SLC9A9: variants seen among roughly 807,000 people sequenced by gnomAD.
The protein encoded by SLC9A9 is sodium/hydrogen exchanger 9.
In SLC9A9, 62 loss-of-function variants were observed where a neutral mutation model predicts 77.8. The ratio of observed to expected loss-of-function variants is 0.80; its 90% CI spans 0.65 to 0.98. SLC9A9 has a LOEUF of 0.98. Among genes scored for constraint, SLC9A9 ranks in the 50% least tolerant of loss-of-function variants. SLC9A9 has a pLI of 0.00. For missense variants in SLC9A9, 775 were observed against 774.9 expected (o/e 1.00, Z 0.00); for synonymous variants, 320 against 283.5 (o/e 1.13, Z -1.29).
chr3:143,361,670 C>A (rs1005999686), intron 14 of SLC9A9, among the ~76,000 whole-genome samples: 1 of 152,086 alleles, frequency 6.6e-6, no homozygotes, highest in African/African-American at 2.4e-5. Flanking sequence ...GGATAAATTA[C>A]CATGAGAAGA....
intron 12 of SLC9A9, among the ~76,000 whole-genome samples, chr3:143,414,259 G>C (rs1030441242): frequency 6.6e-6 from 1 of 152,214 alleles, no homozygotes; most frequent in African/African-American, 2.4e-5. Context: ...GTATGTCTAT[G>C]TATCTGTCAA....
chr3:143,598,308 T>A (rs2037791386), intron 6 of SLC9A9, among the ~76,000 whole-genome samples: 1 of 152,188 alleles, frequency 6.6e-6, no homozygotes, highest in South Asian at 2.1e-4. Flanking sequence ...CCATGAAGCA[T>A]CACGAAATAA....
intron 13 of SLC9A9, among the ~76,000 whole-genome samples, chr3:143,365,450 ACTT>A (rs1436736581): frequency 6.6e-6 from 1 of 152,196 alleles, no homozygotes; most frequent in Non-Finnish European, 1.5e-5. Flanking sequence ...AAAATGTAGA[ACTT>A]CTCAGTCTTT....
chr3:143,510,204 A>G (rs1410922675), intron 9 of SLC9A9, among the ~76,000 whole-genome samples: 3 of 152,218 alleles, frequency 2.0e-5, no homozygotes, highest in African/African-American at 4.8e-5. Context: ...GCAAAAATGT[A>G]TATCCAAATA....
At chr3:143,718,488 C>T (rs975594630) in intron 4 of SLC9A9, among the ~76,000 whole-genome samples, 2 of 152,218 alleles carry the variant, frequency 1.3e-5, no homozygotes, top group Non-Finnish European at 2.9e-5. Flanking sequence ...GGCACAGACA[C>T]CAATGTGCCC....
At chr3:143,693,136 A>G (rs1933526869) in intron 5 of SLC9A9, 56 bp downstream of exon 5, 5 of 1,377,740 alleles carry the variant, frequency 3.6e-6, no homozygotes, top group South Asian at 3.6e-5. Flanking sequence ...GGGGAGAAAC[A>G]TTCAATTTAA....
chr3:143,500,251 T>C (rs1455001335), intron 9 of SLC9A9, among the ~76,000 whole-genome samples: 1 of 152,190 alleles, frequency 6.6e-6, no homozygotes, highest in Non-Finnish European at 1.5e-5. Context: ...CCTACATTTT[T>C]GTATTTTTTG....
At chr3:143,776,394 T>C (rs965031303) in intron 4 of SLC9A9, among the ~76,000 whole-genome samples, 1 of 152,190 alleles carries the variant, frequency 6.6e-6, no homozygotes, top group South Asian at 2.1e-4. Context: ...TTGTTAGTGA[T>C]TTAATGGACT....
At chr3:143,811,727 T>G (rs1034406325) in intron 2 of SLC9A9, 11 of 454,760 alleles carry the variant, frequency 2.4e-5, no homozygotes, top group South Asian at 1.6e-4. Flanking sequence ...CCACGCACAG[T>G]GGCACACGCC....
At chr3:143,572,002 C>T (rs1481045380) in intron 8 of SLC9A9, among the ~76,000 whole-genome samples, 1 of 152,196 alleles carries the variant, frequency 6.6e-6, no homozygotes, top group Non-Finnish European at 1.5e-5. Context: ...TAGTGTACTA[C>T]TCGGGGGTGA....
intron 6 of SLC9A9, among the ~76,000 whole-genome samples, chr3:143,638,758 A>G (rs544506998): frequency 4.1e-4 from 63 of 152,176 alleles, no homozygotes; most frequent in Non-Finnish European, 7.2e-4. Flanking sequence ...TGGGCCCTGA[A>G]TTCACCCTCT....
intron 14 of SLC9A9, among the ~76,000 whole-genome samples, chr3:143,290,042 C>T (rs1272281557): frequency 6.6e-6 from 1 of 152,166 alleles, no homozygotes; most frequent in South Asian, 2.1e-4. Flanking sequence ...CTATCTTATC[C>T]TCAGTAATTC....
At chr3:143,711,066 A>G (rs548971849) in intron 4 of SLC9A9, among the ~76,000 whole-genome samples, 1 of 152,236 alleles carries the variant, frequency 6.6e-6, no homozygotes, top group African/African-American at 2.4e-5. Flanking sequence ...TAGTGACAAG[A>G]TAGAATGAAC....
At chr3:143,504,924 C>T (rs1449248445) in intron 9 of SLC9A9, among the ~76,000 whole-genome samples, 1 of 152,136 alleles carries the variant, frequency 6.6e-6, no homozygotes, top group African/African-American at 2.4e-5. Context: ...CCATTGTATA[C>T]GATTCAGGCT....
At chr3:143,725,703 A>G (rs1300029839) in intron 4 of SLC9A9, among the ~76,000 whole-genome samples, 1 of 126,620 alleles carries the variant, frequency 7.9e-6, no homozygotes, top group Non-Finnish European at 1.6e-5. Flanking sequence ...ACATGGACAC[A>G]GGAAGGGGAA....
chr3:143,731,361 T>C (rs1418730792), intron 4 of SLC9A9, among the ~76,000 whole-genome samples: 2 of 152,210 alleles, frequency 1.3e-5, no homozygotes, highest in African/African-American at 4.8e-5. Context: ...CTAACTAAGG[T>C]TGAGTTTGAA....
chr3:143,414,488 C>G (rs867238280), intron 12 of SLC9A9, among the ~76,000 whole-genome samples: 1 of 152,186 alleles, frequency 6.6e-6, no homozygotes, highest in African/African-American at 2.4e-5. Context: ...TTTCAGGTCT[C>G]TGTATTACAC....
intron 11 of SLC9A9, among the ~76,000 whole-genome samples, chr3:143,489,632 G>A (rs567394989): frequency 5.1e-4 from 77 of 151,934 alleles, no homozygotes; most frequent in African/African-American, 1.8e-3. Flanking sequence ...TTCTTAGCTA[G>A]GACTCTAAAA....
intron 6 of SLC9A9, among the ~76,000 whole-genome samples, chr3:143,620,997 C>T (rs926530652): frequency 6.6e-6 from 1 of 152,168 alleles, no homozygotes; most frequent in Admixed American, 6.5e-5. Context: ...GGGTCCTATG[C>T]CCATGGAGCC....
Sources: allele counts gnomAD v4.1 joint callset (sites outside exome capture counted in the v4.1 genomes callset), GRCh38; gene constraint gnomAD v4.1.1; transcripts MANE v1.5; gene names NCBI Gene and HGNC (gene_info 2026-07-23, HGNC 2026-07-21).